SMC3: variants seen among roughly 807,000 people sequenced by gnomAD.
SMC3 encodes structural maintenance of chromosomes 3.
In SMC3, 20 loss-of-function variants were observed where a neutral mutation model predicts 171.8. The observed-to-expected ratio is 0.12, with a 90% CI of 0.08 to 0.17. The LOEUF (loss-of-function observed/expected upper bound fraction) is 0.17. Among genes scored for constraint, SMC3 ranks in the 10% least tolerant of loss-of-function variants. The pLI, the probability that SMC3 is intolerant of heterozygous loss-of-function variation, is 1.00. For synonymous variants in SMC3, 464 were observed against 451.1 expected, an observed-to-expected ratio of 1.03 and a Z score of -0.36; for missense variants, 543 against 1,420.4, an observed-to-expected ratio of 0.38 and a Z score of 9.93.
chr10:110,592,046 C>A (rs1279011884), intron 17 of SMC3, among the ~76,000 whole-genome samples: 1 of 151,972 alleles, frequency 6.6e-6, no homozygotes, highest in Non-Finnish European at 1.5e-5. Flanking sequence ...GGCGGATCAC[C>A]TGAGGTTAGG....
At chr10:110,584,747 C>T (rs184752196) in intron 13 of SMC3, among the ~76,000 whole-genome samples, 5 of 152,310 alleles carry the variant, frequency 3.3e-5, no homozygotes, top group Admixed American at 2.6e-4. Context: ...TCCTTAGCCT[C>T]CTAACTGGGA....
At chr10:110,582,470 G>C in intron 9 of SMC3, 92 bp from the exon 10 acceptor site, 1 of 921,252 alleles carries the variant, frequency 1.1e-6, no homozygotes, top group Non-Finnish European at 1.7e-6. Context: ...GTTACTTTTG[G>C]TTTATTTTAA....
chr10:110,568,036 G>T (rs1415164255), intron 1 of SMC3, among the ~76,000 whole-genome samples: 1 of 152,220 alleles, frequency 6.6e-6, no homozygotes, highest in African/African-American at 2.4e-5. Context: ...CTCCTTTGCA[G>T]CCCCGGCCTC....
rs1381332087 is a variant in SMC3 at position 110,573,893 on chromosome 10, G to C, written c.130+148G>C. On this transcript the variant is annotated intron_variant, in intron 3 of 28. Transcript: ENST00000361804. ...TGCAGCTTAGTGTAGAGGGTTTAGA[G>C]TATACAGATCTGAATTCTGCTTTAT... 5 of 637,278 alleles carry C rather than the reference G, an allele frequency of 7.8e-6. No individual in the cohort carries two copies. The African/African-American group carries it at 9.2e-5, about 12-fold the overall frequency. 39.5% of individuals were successfully genotyped at this position (637,278 alleles called of 1,614,324 possible).
intron 23 of SMC3, among the ~76,000 whole-genome samples, 189 bp downstream of exon 23, chr10:110,601,319 T>C (rs1343587651): frequency 6.6e-6 from 1 of 152,240 alleles, no homozygotes; most frequent in Non-Finnish European, 1.5e-5. Flanking sequence ...GAAATGTTTA[T>C]GACAATTTTG....
At chr10:110,589,855 G>A in intron 14 of SMC3, 37 bp from the exon 15 acceptor site, 1 of 1,583,542 alleles carries the variant, frequency 6.3e-7, no homozygotes, top group Non-Finnish European at 8.7e-7. Context: ...CCTCATATGT[G>A]TTTAAAATTA....
intron 2 of SMC3, among the ~76,000 whole-genome samples, chr10:110,572,959 A>G (rs1196382988): frequency 6.6e-6 from 1 of 152,128 alleles, no homozygotes; most frequent in African/African-American, 2.4e-5. Context: ...GGCCCCTTCA[A>G]GCTGGCTCCT....
intron 19 of SMC3, 21 bp downstream of exon 19, chr10:110,596,571 T>C: frequency 1.2e-6 from 2 of 1,608,938 alleles, no homozygotes; most frequent in Middle Eastern, 1.7e-4. Flanking sequence ...GTTTTGTGCA[T>C]AGTGATAGAT....
chr10:110,592,078 AC>A (rs1824544025), intron 17 of SMC3, among the ~76,000 whole-genome samples: 1 of 152,146 alleles, frequency 6.6e-6, no homozygotes, highest in Non-Finnish European at 1.5e-5. Flanking sequence ...AGCCTGGCCA[AC>A]AAGGCAAAAC....
At chr10:110,571,864 C>A (rs981510496) in intron 2 of SMC3, among the ~76,000 whole-genome samples, 3 of 151,972 alleles carry the variant, frequency 2.0e-5, no homozygotes, top group African/African-American at 7.3e-5. Flanking sequence ...ATCTGTTATT[C>A]TCCTTCAGGA....
intron 22 of SMC3, 76 bp downstream of exon 22, chr10:110,600,622 G>C: frequency 1.2e-6 from 1 of 804,534 alleles, no homozygotes; most frequent in Middle Eastern, 2.3e-4. Context: ...TATATCAGAG[G>C]CTCTGATTGA....
intron 21 of SMC3, 51 bp from the exon 22 acceptor site, chr10:110,600,388 C>G (rs778805424): frequency 1.1e-6 from 1 of 880,134 alleles, no homozygotes; most frequent in Non-Finnish European, 2.0e-6. Flanking sequence ...GAGCACCATT[C>G]CTGTGTGTGA....
rs548869933 is a variant in SMC3 at position 110,580,099 on chromosome 10, CTATT to C, written c.430-802_430-799del. Among the ~76,000 whole-genome samples, 4 of 152,100 alleles carry C rather than the reference CTATT, an allele frequency of 2.6e-5. No homozygotes were observed. The South Asian group carries it at 6.2e-4, about 24-fold the overall frequency. ...ATACAAATTTAAAAATACAGTAAAA[CTATT>C]TACATAGCATTTACATTGTATTATT... On this transcript the variant is annotated intron_variant, in intron 7 of 28. Coordinates refer to ENST00000361804, the MANE Select transcript of SMC3 (RefSeq NM_005445.4).
chr10:110,576,962 T>A (rs901274208), intron 4 of SMC3, among the ~76,000 whole-genome samples: 1 of 152,170 alleles, frequency 6.6e-6, no homozygotes, highest in African/African-American at 2.4e-5. Flanking sequence ...TTTATTAGGA[T>A]TTCTTTGCAG....
At chr10:110,603,405 A>C in intron 28 of SMC3, 115 bp downstream of exon 28, 1 of 706,796 alleles carries the variant, frequency 1.4e-6, no homozygotes, top group Admixed American at 2.7e-5. Context: ...TGCTTATCTG[A>C]TGTCTTTGTA....
At chr10:110,601,255 G>GTATA (rs1861382859) in intron 23 of SMC3, 125 bp downstream of exon 23, 1 of 744,518 alleles carries the variant, frequency 1.3e-6, no homozygotes. Flanking sequence ...TATAAACAAT[G>GTATA]TATAGCAAAT....
In SMC3 at chr10:110,583,506, C is replaced by G. The variant is rs1226345504; in HGVS notation, c.927C>G (p.Ala309=). 1 of 1,613,874 alleles carries G rather than the reference C, an allele frequency of 6.2e-7. No individual in the cohort carries two copies. The highest frequency in any genetic ancestry group is 2.2e-5 in the East Asian group (1 of 44,844). The change falls in exon 11 of 29, where the codon GCC becomes GCG. Residue 309 remains alanine (A), a synonymous_variant. Coordinates refer to ENST00000361804, the MANE Select transcript of SMC3 (RefSeq NM_005445.4). ...AGAGGACTAAGTTGGAGCTTAAAGC[C>G]AAGGATTTACAAGATGAACTAGCAG... The part of the protein sequence containing the change: ...IKQRTKLELK[A]KDLQDELAGN...
rs1190347275 is a variant in SMC3 at position 110,577,934 on chromosome 10, T to A, written c.350+20T>A. On this transcript the variant is annotated intron_variant, in intron 6 of 28. Coordinates refer to ENST00000361804, the MANE Select transcript of SMC3 (RefSeq NM_005445.4). ...GGTCACGTAAGCATTTTTCTTTTTT[T>A]TAAAAAAACTGAATATGTACTTAAA... 6 of 1,533,388 alleles carry A rather than the reference T, an allele frequency of 3.9e-6. No individual in the cohort carries two copies. Among genetic ancestry groups the A allele is most frequent in the Non-Finnish European group, 4.5e-6 (5 of 1,106,702 alleles). 95.0% of individuals were successfully genotyped at this position (1,533,388 alleles called of 1,614,324 possible). A position where few individuals can be genotyped will look rare whatever the true frequency, so the allele number is the denominator to read the frequency against.
At position 110,583,562 on chromosome 10, in the gene SMC3, C is replaced by T. The variant is rs1223390290; in HGVS notation, c.969+14C>T. The stretch of plus-strand genomic sequence containing the variant: ...AGTGAACAAAGGGTAAGTTAAAATG[C>T]TAAAAATGAAAGATGTGAATGTTCA... On this transcript the variant is annotated intron_variant, in intron 11 of 28. Transcript: ENST00000361804. 2.5e-6 allele frequency: 4 copies of T among 1,612,688 alleles called. No individual in the cohort carries two copies. Among genetic ancestry groups the T allele is most frequent in the Non-Finnish European group, 2.5e-6 (3 of 1,179,012 alleles).
Sources: allele counts gnomAD v4.1 joint callset (sites outside exome capture counted in the v4.1 genomes callset), GRCh38; gene constraint gnomAD v4.1.1; transcripts MANE v1.5; gene names NCBI Gene and HGNC (gene_info 2026-07-23, HGNC 2026-07-21).